SNCAIP: variants seen among roughly 807,000 people sequenced by gnomAD.
The protein encoded by SNCAIP is synphilin-1.
In SNCAIP, 43 loss-of-function variants were observed where a neutral mutation model predicts 86.7. The observed-to-expected ratio is 0.50, with a 90% CI of 0.39 to 0.64. The LOEUF (loss-of-function observed/expected upper bound fraction) is 0.64, where lower values mean the gene tolerates loss of function less well. SNCAIP is among the 30% of genes least tolerant of loss of function. The pLI, the probability that SNCAIP is intolerant of heterozygous loss-of-function variation, is 0.00. For synonymous variants in SNCAIP, 417 were observed against 427.2 expected (o/e 0.98, Z 0.29); for missense variants, 981 against 1,103.1 (o/e 0.89, Z 1.57).
At chr5:122,346,422 C>T (rs774393419) in intron 1 of SNCAIP, among the ~76,000 whole-genome samples, 3 of 152,044 alleles carry the variant, frequency 2.0e-5, no homozygotes, top group South Asian at 2.1e-4. Flanking sequence ...CTGTGTGGCT[C>T]TATATTTTCT....
intron 2 of SNCAIP, chr5:122,401,043 G>A: frequency 1.3e-6 from 2 of 1,550,278 alleles, no homozygotes; most frequent in South Asian, 1.2e-5. Flanking sequence ...CACAGACAGG[G>A]AAGATGCAAT....
chr5:122,456,923 G>A (rs1784886369), intron 10 of SNCAIP, among the ~76,000 whole-genome samples: 1 of 152,228 alleles, frequency 6.6e-6, no homozygotes, highest in South Asian at 2.1e-4. Context: ...AAAGTATTTA[G>A]TAAAGTAGTT....
chr5:122,427,329 A>G (rs1486984447), intron 5 of SNCAIP, among the ~76,000 whole-genome samples: 4 of 152,164 alleles, frequency 2.6e-5, no homozygotes, highest in South Asian at 2.1e-4. Context: ...CCTGCAGTCA[A>G]CATAAGATTG....
intron 1 of SNCAIP, among the ~76,000 whole-genome samples, chr5:122,379,817 GCT>G (rs1766269285): frequency 6.8e-6 from 1 of 147,664 alleles, no homozygotes; most frequent in African/African-American, 2.5e-5. Flanking sequence ...TTTGTCTTTG[GCT>G]CTGTTTATAT....
chr5:122,437,080 T>C (rs1291631235), intron 6 of SNCAIP: 1 of 152,146 alleles, frequency 6.6e-6, no homozygotes, highest in Admixed American at 6.5e-5. Flanking sequence ...AAGCAATACT[T>C]ATGGGGAAAT....
intron 6 of SNCAIP, chr5:122,440,371 A>G: frequency 2.2e-6 from 1 of 448,730 alleles, no homozygotes; most frequent in South Asian, 2.1e-5. Context: ...CTATTTTCCC[A>G]TCTATAGAAT....
chr5:122,344,363 G>A (rs1195185623), intron 1 of SNCAIP, among the ~76,000 whole-genome samples: 1 of 152,082 alleles, frequency 6.6e-6, no homozygotes, highest in Non-Finnish European at 1.5e-5. Flanking sequence ...TATTGAAGAA[G>A]GATGGCTTAA....
At chr5:122,444,026 G>T in intron 7 of SNCAIP, 1 of 456,266 alleles carries the variant, frequency 2.2e-6, no homozygotes, top group South Asian at 1.6e-5. Context: ...ATAGCCCATT[G>T]TGGGAGGGTG....
At chr5:122,419,517 T>C (rs1188206672) in intron 3 of SNCAIP, among the ~76,000 whole-genome samples, 1 of 152,230 alleles carries the variant, frequency 6.6e-6, no homozygotes, top group African/African-American at 2.4e-5. Context: ...TGTTTACTTC[T>C]GTAAGATGTT....
chr5:122,334,099 G>A (rs866887551), intron 1 of SNCAIP, among the ~76,000 whole-genome samples: 5 of 152,276 alleles, frequency 3.3e-5, no homozygotes, highest in Middle Eastern at 3.4e-3. Context: ...CTCCAAAGAG[G>A]TTATAAGAAG....
intron 1 of SNCAIP, among the ~76,000 whole-genome samples, chr5:122,345,452 G>T (rs192506005): frequency 5.3e-4 from 80 of 152,214 alleles, no homozygotes; most frequent in Non-Finnish European, 7.8e-4. Context: ...GTTTATTACA[G>T]ATTACTTAAA....
intron 3 of SNCAIP, among the ~76,000 whole-genome samples, chr5:122,418,642 A>G (rs1200107443): frequency 1.3e-5 from 2 of 152,222 alleles, no homozygotes. Context: ...AGTTAAATTC[A>G]TTCTAGCACC....
intron 1 of SNCAIP, among the ~76,000 whole-genome samples, chr5:122,368,661 C>G (rs546952260): frequency 7.2e-5 from 11 of 152,176 alleles, no homozygotes; most frequent in Admixed American, 2.0e-4. Flanking sequence ...AATCTTAGCT[C>G]CTTTCTCCCA....
chr5:122,370,562 T>G (rs1386865164), intron 1 of SNCAIP, among the ~76,000 whole-genome samples: 1 of 152,158 alleles, frequency 6.6e-6, no homozygotes, highest in African/African-American at 2.4e-5. Context: ...AAGTGCAGTC[T>G]TATGAAGGCA....
intron 1 of SNCAIP, among the ~76,000 whole-genome samples, chr5:122,360,115 A>C (rs1761914815): frequency 6.6e-6 from 1 of 152,192 alleles, no homozygotes; most frequent in African/African-American, 2.4e-5. Flanking sequence ...CCACTTTTCC[A>C]GCATTCTTTT....
intron 2 of SNCAIP, among the ~76,000 whole-genome samples, chr5:122,400,766 C>T (rs1041783995): frequency 2.6e-5 from 4 of 152,276 alleles, no homozygotes; most frequent in Admixed American, 6.5e-5. Context: ...AGCACAGGGA[C>T]GGTGAAGAAG....
intron 6 of SNCAIP, 161 bp from the exon 7 acceptor site, chr5:122,440,468 A>T: frequency 1.4e-6 from 1 of 690,252 alleles, no homozygotes; most frequent in Admixed American, 2.2e-5. Context: ...TCAGTCAGAG[A>T]TTCAAGGATT....
chr5:122,373,530 G>A (rs1219597330), intron 1 of SNCAIP, among the ~76,000 whole-genome samples: 5 of 152,298 alleles, frequency 3.3e-5, no homozygotes, highest in Admixed American at 2.0e-4. Context: ...CTCTGCAGAC[G>A]TGCTTGAGAT....
intron 1 of SNCAIP, among the ~76,000 whole-genome samples, chr5:122,317,846 T>C (rs911535686): frequency 1.3e-5 from 2 of 152,120 alleles, no homozygotes; most frequent in Admixed American, 1.3e-4. Context: ...CTTCTCCCTT[T>C]CTTCCTCCAC....
Sources: gnomAD v4.1 joint callset for allele counts (sites outside exome capture counted in the v4.1 genomes callset) on GRCh38, gnomAD v4.1.1 for gene constraint, MANE v1.5 for transcripts, NCBI Gene and HGNC (gene_info 2026-07-23, HGNC 2026-07-21) for gene names.